CHD6: variants seen among roughly 807,000 people sequenced by gnomAD.
The protein encoded by CHD6 is chromodomain helicase DNA binding protein 6, also known as ATP-dependent chromatin remodeler CHD6.
A neutral mutation model predicts 276.9 loss-of-function variants in CHD6; 50 were observed. That is an observed-to-expected ratio of 0.18 (90% CI 0.14 to 0.23). The LOEUF is 0.23. Among genes scored for constraint, CHD6 ranks in the 10% least tolerant of loss-of-function variants. The pLI is 1.00. For synonymous variants in CHD6, 1,173 were observed against 1,229.3 expected, an observed-to-expected ratio of 0.95 and a Z score of 0.96; for missense variants, 2,564 against 3,365.8, an observed-to-expected ratio of 0.76 and a Z score of 5.89.
intron 27 of CHD6, among the ~76,000 whole-genome samples, chr20:41,434,026 A>T (rs2047625632): frequency 6.6e-6 from 1 of 152,188 alleles, no homozygotes; most frequent in African/African-American, 2.4e-5. Flanking sequence ...AATCAGGGAA[A>T]ACAAAGAGAA....
intron 28 of CHD6, 119 bp downstream of exon 28, chr20:41,425,974 T>C (rs1268398703): frequency 6.3e-6 from 5 of 791,780 alleles, no homozygotes; most frequent in Non-Finnish European, 1.1e-5. Flanking sequence ...GATGGTCAAC[T>C]TACTTGGCTT....
chr20:41,611,026 C>T (rs1014098185), intron 1 of CHD6, among the ~76,000 whole-genome samples: 2 of 152,148 alleles, frequency 1.3e-5, no homozygotes, highest in Non-Finnish European at 2.9e-5. Context: ...GTCATAAGTC[C>T]CCGCTGGAAC....
intron 5 of CHD6, among the ~76,000 whole-genome samples, chr20:41,509,762 G>A (rs183661904): frequency 6.6e-6 from 1 of 152,280 alleles, no homozygotes; most frequent in East Asian, 1.9e-4. Flanking sequence ...TTGTGTTCCA[G>A]ACACCAAAAT....
Position 41,402,108 on chromosome 20 carries a change from T to C in CHD6, c.*2485A>G, listed in dbSNP as rs1029521619. 5 of 191,036 alleles carry C rather than the reference T, an allele frequency of 2.6e-5. No homozygotes were observed. Among genetic ancestry groups the C allele is most frequent in the Non-Finnish European group, 3.3e-5 (3 of 91,128 alleles). 11.8% of individuals were successfully genotyped at this position (191,036 alleles called of 1,614,324 possible). A position where few individuals can be genotyped will look rare whatever the true frequency, so the allele number is the denominator to read the frequency against. Reference sequence around the variant, plus strand: ...TGACTTTTAAACTTTTTCTTTTGTTTTTAAATCCAGGATCAAGACCACAAT... The same window carrying C: ...TGACTTTTAAACTTTTTCTTTTGTTCTTAAATCCAGGATCAAGACCACAAT... On this transcript the variant is annotated 3_prime_UTR_variant, in exon 37 of 37. Coordinates refer to ENST00000373233, the MANE Select transcript of CHD6 (RefSeq NM_032221.5).
chr20:41,405,337 G>T lies in CHD6; in HGVS notation c.7404C>A (p.Phe2468Leu), dbSNP rs2046642660. The T allele has an allele frequency of 3.7e-6, 6 of 1,614,214 alleles. No homozygotes were observed. Among genetic ancestry groups the T allele is most frequent in the Non-Finnish European group, 5.1e-6 (6 of 1,180,040 alleles). Residue 2468 changes from phenylalanine (F) to leucine (L), a missense_variant, in exon 37 of 37, where the codon TTC becomes TTA. By Grantham distance (22) the Phe-to-Leu change is conservative. Coordinates refer to ENST00000373233, the MANE Select transcript of CHD6 (RefSeq NM_032221.5). ...ADSPSGMGPL[F>L]MNGLIAGMDL... ...CCATCCCAGCAATCAGTCCATTCAT[G>T]AACAGTGGCCCCATTCCAGAGGGAG...
intron 6 of CHD6, among the ~76,000 whole-genome samples, chr20:41,498,852 T>G: frequency 6.6e-6 from 1 of 150,920 alleles, no homozygotes; most frequent in East Asian, 1.9e-4. Flanking sequence ...TGTGTGTATT[T>G]TAAATAGAGA....
At chr20:41,525,762 A>ATCTCTTCCAAGG (rs2044516944) in intron 3 of CHD6, among the ~76,000 whole-genome samples, 1 of 152,164 alleles carries the variant, frequency 6.6e-6, no homozygotes, top group African/African-American at 2.4e-5. Flanking sequence ...ATCAATACTC[A>ATCTCTTCCAAGG]TCTCTTCCAA....
At chr20:41,536,163 A>G (rs565031983) in intron 2 of CHD6, among the ~76,000 whole-genome samples, 1 of 152,326 alleles carries the variant, frequency 6.6e-6, no homozygotes, top group South Asian at 2.1e-4. Flanking sequence ...ACATTAAATT[A>G]CCACTTTGAA....
intron 36 of CHD6, among the ~76,000 whole-genome samples, chr20:41,407,293 C>T (rs1445154537): frequency 3.3e-5 from 5 of 152,170 alleles, no homozygotes; most frequent in African/African-American, 7.2e-5. Context: ...GCCTCCTTGT[C>T]TGTGGGAATC....
At chr20:41,545,303 G>A (rs2045018555) in intron 2 of CHD6, among the ~76,000 whole-genome samples, 1 of 152,142 alleles carries the variant, frequency 6.6e-6, no homozygotes, top group African/African-American at 2.4e-5. Context: ...CTGGCCTCGA[G>A]TGTATGTTTC....
At chr20:41,603,314 C>G (rs2045792025) in intron 1 of CHD6, among the ~76,000 whole-genome samples, 2 of 152,118 alleles carry the variant, frequency 1.3e-5, no homozygotes, top group Admixed American at 6.5e-5. Context: ...TGTACTCCAG[C>G]CTGGGCAACA....
intron 1 of CHD6, among the ~76,000 whole-genome samples, chr20:41,600,929 A>T (rs2146285525): frequency 6.6e-6 from 1 of 152,278 alleles, no homozygotes; most frequent in Middle Eastern, 3.4e-3. Flanking sequence ...GAGGCATAGG[A>T]TCCCAATGGC....
chr20:41,406,233 A>G (rs2046670357), intron 36 of CHD6, among the ~76,000 whole-genome samples: 1 of 152,200 alleles, frequency 6.6e-6, no homozygotes, highest in African/African-American at 2.4e-5. Flanking sequence ...CCACCAAAAT[A>G]AGTGGTGGTT....
chr20:41,513,413 T>C (rs1338902155), intron 4 of CHD6, among the ~76,000 whole-genome samples: 1 of 152,220 alleles, frequency 6.6e-6, no homozygotes, highest in Non-Finnish European at 1.5e-5. Flanking sequence ...GACAGTTTTA[T>C]TGTTTTTGCT....
intron 31 of CHD6, among the ~76,000 whole-genome samples, chr20:41,417,848 A>T (rs939153953): frequency 3.3e-5 from 5 of 152,244 alleles, no homozygotes; most frequent in African/African-American, 1.2e-4. Context: ...ATGCCAAGAA[A>T]CTCAGAACAT....
In CHD6 at chr20:41,422,018, C is replaced by A; in HGVS notation, c.4617G>T (p.Leu1539=). 2 of 1,614,150 alleles carry A rather than the reference C, an allele frequency of 1.2e-6. No individual in the cohort carries two copies. Among genetic ancestry groups the A allele is most frequent in the Non-Finnish European group, 1.7e-6 (2 of 1,180,020 alleles). Residue 1539 remains leucine, a synonymous_variant, in exon 31 of 37, where the codon CTG becomes CTT. Coordinates refer to ENST00000373233, the MANE Select transcript of CHD6 (RefSeq NM_032221.5). ...PITEERAART[L]YRIELLRKVR... ...CTTTCCGTAACAGTTCAATGCGGTA[C>A]AGAGTTCTTGCAGCACGTTCCTCAG...
chr20:41,594,090 T>A (rs191686058), intron 1 of CHD6, among the ~76,000 whole-genome samples: 1 of 152,228 alleles, frequency 6.6e-6, no homozygotes, highest in East Asian at 1.9e-4. Flanking sequence ...TCAATTCATC[T>A]CAATTATTGA....
intron 17 of CHD6, among the ~76,000 whole-genome samples, chr20:41,458,251 G>C (rs534625232): frequency 6.6e-6 from 1 of 152,166 alleles, no homozygotes. Context: ...ATATAGGAGG[G>C]ACAAGCTAAA....
rs572447937 is a variant in CHD6, at chr20:41,432,160, C to CAAAAAAAAAAAAAA, written c.4068+5100_4068+5113dup. 3.0e-3 allele frequency among the ~76,000 whole-genome samples: 174 copies of CAAAAAAAAAAAAAA among 58,944 alleles called. 1 individual carries two copies. Among genetic ancestry groups the CAAAAAAAAAAAAAA allele is most frequent in the Non-Finnish European group, 5.6e-3 (146 of 25,886 alleles). The allele number at this position is 58,944 out of a possible 152,430, so 38.7% of individuals were successfully genotyped here. On this transcript the variant is annotated intron_variant, in intron 27 of 36. Coordinates refer to ENST00000373233, the MANE Select transcript of CHD6 (RefSeq NM_032221.5). The stretch of plus-strand genomic sequence containing the variant: ...GGGCAGCAAGAGTAAAACTCCGTCT[C>CAAAAAAAAAAAAAA]AAAAAAAAAAAAAAAAAAAGAAGCG...
Sources: gnomAD v4.1 joint callset for allele counts (sites outside exome capture counted in the v4.1 genomes callset) on GRCh38, gnomAD v4.1.1 for gene constraint, MANE v1.5 for transcripts, NCBI Gene and HGNC (gene_info 2026-07-23, HGNC 2026-07-21) for gene names.